Variants in SPOCK3 observed in about 807,000 individuals in gnomAD.
SPOCK3 encodes the protein SPARC (osteonectin), cwcv and kazal like domains proteoglycan 3.
SPOCK3 carries 30 observed loss-of-function variants against 56.6 expected under a neutral mutation model. The observed-to-expected ratio is 0.53, with a 90% CI of 0.40 to 0.72. The LOEUF (loss-of-function observed/expected upper bound fraction) is 0.72. Ranked by LOEUF, SPOCK3 falls within the 30% of genes least tolerant of loss-of-function variation. SPOCK3 has a pLI of 0.00. For missense variants in SPOCK3, 527 were observed against 530.0 expected, an observed-to-expected ratio of 0.99 and a Z score of 0.06; for synonymous variants, 196 against 183.3, an observed-to-expected ratio of 1.07 and a Z score of -0.56.
intron 2 of SPOCK3, among the ~76,000 whole-genome samples, chr4:167,151,237 T>G (rs1244886666): frequency 6.6e-6 from 1 of 152,094 alleles, no homozygotes; most frequent in Non-Finnish European, 1.5e-5. Flanking sequence ...CGAGTTAAAA[T>G]TCATTACTCT....
chr4:167,034,216 C>A (rs778122788), intron 3 of SPOCK3, among the ~76,000 whole-genome samples: 1 of 151,674 alleles, frequency 6.6e-6, no homozygotes, highest in Admixed American at 6.6e-5. Context: ...AATATACATA[C>A]ACAAAATTGT....
At chr4:167,025,845 C>T (rs1378651522) in intron 3 of SPOCK3, among the ~76,000 whole-genome samples, 2 of 152,054 alleles carry the variant, frequency 1.3e-5, no homozygotes, top group African/African-American at 4.8e-5. Context: ...GTGCAAACAT[C>T]GTAGAGTGTA....
At chr4:167,228,405 G>T (rs980562339) in intron 2 of SPOCK3, among the ~76,000 whole-genome samples, 2 of 152,082 alleles carry the variant, frequency 1.3e-5, no homozygotes, top group African/African-American at 4.8e-5. Context: ...AGTATTGCTT[G>T]CTTCTCTTTA....
At chr4:167,108,450 T>C (rs1222422183) in intron 2 of SPOCK3, among the ~76,000 whole-genome samples, 1 of 151,938 alleles carries the variant, frequency 6.6e-6, no homozygotes, top group Non-Finnish European at 1.5e-5. Flanking sequence ...GTGGTAAATA[T>C]ACACAATGGC....
intron 2 of SPOCK3, among the ~76,000 whole-genome samples, chr4:167,172,913 G>C (rs12646779): frequency 0.25 from 37,929 of 151,984 alleles, 5,798 homozygotes; most frequent in African/African-American, 0.43. Flanking sequence ...ATTTCAGGTA[G>C]AAATTATTTT....
At chr4:167,035,552 G>A (rs1752671613) in intron 3 of SPOCK3, among the ~76,000 whole-genome samples, 1 of 152,068 alleles carries the variant, frequency 6.6e-6, no homozygotes. Flanking sequence ...GATTAACCAT[G>A]TTCTACCCTT....
chr4:166,957,826 CATT>C (rs1185967603), intron 4 of SPOCK3, among the ~76,000 whole-genome samples: 2 of 152,180 alleles, frequency 1.3e-5, no homozygotes, highest in African/African-American at 2.4e-5. Flanking sequence ...TCTATGCCCT[CATT>C]GTATCTTGGA....
At chr4:167,051,312 G>A (rs1203810238) in intron 3 of SPOCK3, among the ~76,000 whole-genome samples, 2 of 152,090 alleles carry the variant, frequency 1.3e-5, no homozygotes, top group African/African-American at 2.4e-5. Flanking sequence ...AGCCAGCAGA[G>A]GCCTCCTGGT....
rs1737197807 is a variant in SPOCK3, at chr4:166,760,967, A to G, written c.710-6238T>C. Among the ~76,000 whole-genome samples, 2 of 26,492 alleles carry G rather than the reference A, an allele frequency of 7.5e-5. 1 individual carries two copies. The highest frequency in any genetic ancestry group is 1.5e-4 in the Non-Finnish European group (2 of 13,352). The allele number at this position is 26,492 out of a possible 152,430, so 17.4% of individuals were successfully genotyped here. Reference sequence around the variant, plus strand: ...TCAGAGTGAACAGGCAACCTACATCATGGGAGAAAATTTTCGCAACCTACT... The same window carrying G: ...TCAGAGTGAACAGGCAACCTACATCGTGGGAGAAAATTTTCGCAACCTACT... On this transcript the variant is annotated intron_variant, in intron 7 of 10. Transcript: ENST00000357545.
chr4:167,159,206 A>G (rs901865849), intron 2 of SPOCK3, among the ~76,000 whole-genome samples: 2 of 152,038 alleles, frequency 1.3e-5, no homozygotes, highest in Non-Finnish European at 2.9e-5. Context: ...TAAGTATTAA[A>G]AGAAAAAATG....
At chr4:166,803,087 A>T (rs2126695869) in intron 6 of SPOCK3, among the ~76,000 whole-genome samples, 1 of 152,226 alleles carries the variant, frequency 6.6e-6, no homozygotes, top group South Asian at 2.1e-4. Flanking sequence ...TATATCTTCA[A>T]AAATTATTCC....
intron 6 of SPOCK3, among the ~76,000 whole-genome samples, chr4:166,840,318 C>T (rs1162510397): frequency 6.6e-6 from 1 of 152,166 alleles, no homozygotes; most frequent in Non-Finnish European, 1.5e-5. Flanking sequence ...GCTGAAAGTA[C>T]AGGTTCCCCA....
chr4:167,057,306 C>A (rs1430408976), intron 3 of SPOCK3, among the ~76,000 whole-genome samples: 1 of 152,148 alleles, frequency 6.6e-6, no homozygotes, highest in Non-Finnish European at 1.5e-5. Flanking sequence ...TGGAAAGGAA[C>A]AACTGGTACC....
intron 4 of SPOCK3, among the ~76,000 whole-genome samples, chr4:166,976,306 TC>T (rs149680246): frequency 1.3e-5 from 2 of 152,278 alleles, no homozygotes; most frequent in Non-Finnish European, 2.9e-5. Context: ...TAAGCTCAAT[TC>T]TTTTTTTACT....
intron 7 of SPOCK3, among the ~76,000 whole-genome samples, chr4:166,773,806 A>G (rs1301284759): frequency 6.6e-6 from 1 of 152,214 alleles, no homozygotes; most frequent in East Asian, 1.9e-4. Context: ...GCATAGGCAC[A>G]CATACACATT....
intron 2 of SPOCK3, among the ~76,000 whole-genome samples, chr4:167,116,388 C>T (rs1194057099): frequency 6.8e-6 from 1 of 146,466 alleles, no homozygotes; most frequent in Non-Finnish European, 1.5e-5. Flanking sequence ...TATATATATA[C>T]TTTTGTAAAT....
At chr4:166,953,305 A>G (rs1476509323) in intron 4 of SPOCK3, among the ~76,000 whole-genome samples, 1 of 152,250 alleles carries the variant, frequency 6.6e-6, no homozygotes, top group Non-Finnish European at 1.5e-5. Flanking sequence ...AAAAGAAGAC[A>G]TTTATGCAGC....
intron 7 of SPOCK3, among the ~76,000 whole-genome samples, chr4:166,774,954 T>C (rs569721936): frequency 1.3e-5 from 2 of 152,210 alleles, no homozygotes; most frequent in African/African-American, 4.8e-5. Context: ...AATACCTTCA[T>C]ATCATAGCAG....
chr4:166,990,665 T>A (rs1747684506), intron 4 of SPOCK3, among the ~76,000 whole-genome samples: 1 of 152,186 alleles, frequency 6.6e-6, no homozygotes, highest in South Asian at 2.1e-4. Context: ...GGTTTAGCTC[T>A]AATTTACCCA....
Sources: allele counts gnomAD v4.1 joint callset (sites outside exome capture counted in the v4.1 genomes callset), GRCh38; gene constraint gnomAD v4.1.1; transcripts MANE v1.5; gene names NCBI Gene and HGNC (gene_info 2026-07-23, HGNC 2026-07-21).